SNX13: variants seen among roughly 807,000 people sequenced by gnomAD.
SNX13 encodes sorting nexin 13.
Under a neutral mutation model 133.6 loss-of-function variants are expected in SNX13, and 45 were observed. The observed-to-expected ratio is 0.34, with a 90% CI of 0.27 to 0.43. The LOEUF (loss-of-function observed/expected upper bound fraction) is 0.43. SNX13 is among the 20% of genes least tolerant of loss of function. The pLI, the probability that SNX13 is intolerant of heterozygous loss-of-function variation, is 1.00. For synonymous variants in SNX13, 414 were observed against 373.9 expected (o/e 1.11, Z -1.24); for missense variants, 1,032 against 1,145.1 (o/e 0.90, Z 1.43).
intron 1 of SNX13, among the ~76,000 whole-genome samples, chr7:17,933,007 T>G (rs1801577591): frequency 6.6e-6 from 1 of 152,218 alleles, no homozygotes; most frequent in Admixed American, 6.5e-5. Flanking sequence ...CTTATCAGCA[T>G]GTGCCTAGTA....
intron 1 of SNX13, among the ~76,000 whole-genome samples, chr7:17,924,065 C>A (rs1480819295): frequency 6.6e-6 from 1 of 152,112 alleles, no homozygotes. Flanking sequence ...ATGAAGCTAA[C>A]TTTTTAATGC....
chr7:17,864,662 A>C (rs1051460401), intron 9 of SNX13, among the ~76,000 whole-genome samples: 1 of 152,172 alleles, frequency 6.6e-6, no homozygotes, highest in Non-Finnish European at 1.5e-5. Context: ...AAGAAGGTCG[A>C]AAAACACCAA....
intron 21 of SNX13, among the ~76,000 whole-genome samples, chr7:17,802,116 T>A (rs1784709862): frequency 6.6e-6 from 1 of 152,068 alleles, no homozygotes; most frequent in South Asian, 2.1e-4. Flanking sequence ...TTCAGTACAG[T>A]AGCATACTGT....
chr7:17,924,355 A>C (rs546465653), intron 1 of SNX13, among the ~76,000 whole-genome samples: 1 of 152,350 alleles, frequency 6.6e-6, no homozygotes, highest in South Asian at 2.1e-4. Context: ...GAAGATATAC[A>C]AATGAAATAT....
At chr7:17,938,421 A>G (rs1382812873) in intron 1 of SNX13, among the ~76,000 whole-genome samples, 1 of 152,206 alleles carries the variant, frequency 6.6e-6, no homozygotes, top group Admixed American at 6.5e-5. Flanking sequence ...TTCCTAATCT[A>G]TAAACGACTA....
chr7:17,808,810 T>TA (rs982307043), intron 20 of SNX13, among the ~76,000 whole-genome samples: 15 of 151,032 alleles, frequency 9.9e-5, no homozygotes, highest in Admixed American at 1.3e-4. Context: ...TCAACATTCT[T>TA]AAAAAAAAAG....
At chr7:17,883,323 A>G (rs1189694724) in intron 5 of SNX13, among the ~76,000 whole-genome samples, 1 of 152,188 alleles carries the variant, frequency 6.6e-6, no homozygotes, top group African/African-American at 2.4e-5. Flanking sequence ...AGTTAAGATA[A>G]AATACAGGAA....
chr7:17,798,947 C>T, intron 23 of SNX13, 62 bp downstream of exon 23: 1 of 1,536,186 alleles, frequency 6.5e-7, no homozygotes, highest in Non-Finnish European at 8.8e-7. Context: ...AATCTACTTC[C>T]AGAAGTAAGA....
At chr7:17,829,188 A>C (rs545946436) in intron 16 of SNX13, among the ~76,000 whole-genome samples, 114 of 151,734 alleles carry the variant, frequency 7.5e-4, no homozygotes, top group Non-Finnish European at 1.6e-3. Flanking sequence ...TAAAACATTT[A>C]GCTATTACGA....
rs1784854656 is a variant in SNX13, at chr7:17,803,431, T to C, written c.2214A>G (p.Gln738=). 6.2e-7 allele frequency: 1 copy of C among 1,605,822 alleles called. No homozygotes were observed. Among genetic ancestry groups the C allele is most frequent in the South Asian group, 1.1e-5 (1 of 89,168 alleles). ...AATGTCTTCTTACCTTAAAAAATGA[T>C]TGCTTTATGTCTTGACCTAATCTTT... The part of the protein sequence containing the change: ...MSERLGQDIK[Q]SFFKVPPLIP... Residue 738 remains glutamine, a synonymous_variant, in exon 21 of 26, where the codon CAA becomes CAG. Coordinates refer to ENST00000428135, the MANE Select transcript of SNX13 (RefSeq NM_015132.5).
chr7:17,870,678 C>G (rs1334384663), intron 8 of SNX13, among the ~76,000 whole-genome samples: 3 of 152,188 alleles, frequency 2.0e-5, no homozygotes, highest in Non-Finnish European at 4.4e-5. Flanking sequence ...TGCATTAAAA[C>G]TGATTGTCTG....
chr7:17,878,588 G>A (rs1013544536), intron 5 of SNX13, among the ~76,000 whole-genome samples: 1 of 151,924 alleles, frequency 6.6e-6, no homozygotes. Flanking sequence ...CGTATCCCTC[G>A]CCACCATTCT....
chr7:17,801,617 G>A lies in SNX13; in HGVS notation c.2269C>T (p.Arg757Cys), dbSNP rs371095846. 1.9e-5 allele frequency: 30 copies of A among 1,609,236 alleles called. No individual in the cohort carries two copies. Among genetic ancestry groups the A allele is most frequent in the African/African-American group, 5.3e-5 (4 of 74,872 alleles). Residue 757 changes from arginine (R) to cysteine (C), a missense_variant, in exon 22 of 26, where the codon CGC becomes TGC. By Grantham distance (180) the Arg-to-Cys change is radical. Coordinates refer to ENST00000428135, the MANE Select transcript of SNX13 (RefSeq NM_015132.5). ...IPKTDSDPEH[R>C]RVSAQLDDNV... ...TCGTCAAGTTGAGCCGAAACTCGGCGATGTTCAGGGTCTGAATCAGTCTTA... is the reference window on the plus strand; with the variant it reads ...TCGTCAAGTTGAGCCGAAACTCGGCAATGTTCAGGGTCTGAATCAGTCTTA...
intron 12 of SNX13, among the ~76,000 whole-genome samples, chr7:17,842,684 C>T (rs1018586664): frequency 6.6e-6 from 1 of 151,950 alleles, no homozygotes; most frequent in Non-Finnish European, 1.5e-5. Flanking sequence ...TACTTTGTTA[C>T]TGCACATCCT....
intron 1 of SNX13, among the ~76,000 whole-genome samples, chr7:17,934,917 T>C (rs1334717844): frequency 1.3e-5 from 2 of 152,216 alleles, no homozygotes. Context: ...GGAATTCTTG[T>C]ACACTGTAGG....
intron 15 of SNX13, chr7:17,832,519 T>C (rs1788614403): frequency 1.0e-6 from 1 of 977,358 alleles, no homozygotes; most frequent in Non-Finnish European, 1.2e-6. Flanking sequence ...ATAGATAAAA[T>C]TAGTATAAAC....
In SNX13 at chr7:17,793,769, G is replaced by A. The variant is rs1319232503; in HGVS notation, c.*276C>T. The A allele has an allele frequency of 9.5e-6, 3 of 316,312 alleles. No individual in the cohort carries two copies. In the East Asian group the frequency reaches 1.9e-4, roughly 20 times the overall value. 19.6% of individuals were successfully genotyped at this position (316,312 alleles called of 1,614,324 possible). A position where few individuals can be genotyped will look rare whatever the true frequency, so the allele number is the denominator to read the frequency against. On this transcript the variant is annotated 3_prime_UTR_variant, in exon 26 of 26. Transcript: ENST00000428135. ...TGGAGAATGCTGATTAGTTTGAAAT[G>A]GAAGAAACCAACGCCATTCTTGCTT...
At chr7:17,803,918 A>C (rs923613002) in intron 20 of SNX13, among the ~76,000 whole-genome samples, 1 of 150,816 alleles carries the variant, frequency 6.6e-6, no homozygotes, top group Non-Finnish European at 1.5e-5. Flanking sequence ...TATATTGGTA[A>C]TGTTGGTACA....
In SNX13 at chr7:17,910,994, T is replaced by A. The variant is rs114132046; in HGVS notation, c.13-13548A>T. Among the ~76,000 whole-genome samples the A allele has an allele frequency of 6.0e-3, 921 of 152,300 alleles. 6 individuals are homozygous for A. Among genetic ancestry groups the A allele is most frequent in the African/African-American group, 0.021 (883 of 41,576 alleles). ...TGGTTGCATACCATGGTGAATGAAC[T>A]CAATACCAATGAATCACTCATTTTT... On this transcript the variant is annotated intron_variant, in intron 1 of 25. Coordinates refer to ENST00000428135, the MANE Select transcript of SNX13 (RefSeq NM_015132.5).
Sources: allele counts gnomAD v4.1 joint callset (sites outside exome capture counted in the v4.1 genomes callset), GRCh38; gene constraint gnomAD v4.1.1; transcripts MANE v1.5; gene names NCBI Gene and HGNC (gene_info 2026-07-23, HGNC 2026-07-21).